XPO4: variants seen among roughly 807,000 people sequenced by gnomAD.
The protein encoded by XPO4 is exportin-4.
Under a neutral mutation model 143.0 loss-of-function variants are expected in XPO4, and 39 were observed. The ratio of observed to expected loss-of-function variants is 0.27; its 90% CI spans 0.21 to 0.36. The LOEUF (loss-of-function observed/expected upper bound fraction) is 0.36, where lower values mean the gene tolerates loss of function less well. Among genes scored for constraint, XPO4 ranks in the 10% least tolerant of loss-of-function variants. The pLI is 1.00. For synonymous variants in XPO4, 439 were observed against 474.0 expected (o/e 0.93, Z 0.96); for missense variants, 907 against 1,348.0 (o/e 0.67, Z 5.12).
intron 1 of XPO4, among the ~76,000 whole-genome samples, chr13:20,882,377 A>G (rs1006659485): frequency 1.3e-5 from 2 of 152,058 alleles, no homozygotes; most frequent in African/African-American, 4.8e-5. Flanking sequence ...GCAAAGGGAG[A>G]GCCAGCATAT....
intron 1 of XPO4, among the ~76,000 whole-genome samples, chr13:20,887,381 A>G (rs2060470884): frequency 6.6e-6 from 1 of 152,192 alleles, no homozygotes; most frequent in African/African-American, 2.4e-5. Flanking sequence ...ATATATATTA[A>G]AACATTACAA....
chr13:20,841,471 ATTAAG>A (rs1483931572), intron 6 of XPO4, among the ~76,000 whole-genome samples: 3 of 152,336 alleles, frequency 2.0e-5, no homozygotes, highest in African/African-American at 7.2e-5. Context: ...ACCAAAAAGA[ATTAAG>A]TTAATATATT....
At chr13:20,789,525 GC>G (rs1413163901) in intron 19 of XPO4, among the ~76,000 whole-genome samples, 1 of 151,308 alleles carries the variant, frequency 6.6e-6, no homozygotes, top group East Asian at 1.9e-4. Flanking sequence ...CTCCTGAGTA[GC>G]TGGGACTACA....
At chr13:20,807,786 A>C in intron 12 of XPO4, 152 bp from the exon 13 acceptor site, 1 of 620,116 alleles carries the variant, frequency 1.6e-6, no homozygotes, top group East Asian at 3.5e-5. Context: ...TGCAAAAAAA[A>C]CTTTCTATGT....
chr13:20,819,320 C>A (rs1274222206), intron 9 of XPO4, among the ~76,000 whole-genome samples: 1 of 152,140 alleles, frequency 6.6e-6, no homozygotes, highest in Non-Finnish European at 1.5e-5. Context: ...ATGTTAACTC[C>A]CAAACTCATA....
At position 20,862,864 on chromosome 13, in the gene XPO4, G is replaced by A; in HGVS notation, c.176-6C>T. On this transcript the variant is annotated splice_region_variant and splice_polypyrimidine_tract_variant and intron_variant, in intron 2 of 22. Transcript: ENST00000255305. ...ATAGTCCACTTTACTAGTTTCTGAG[G>A]AGAAAATTAAAAACTTTATTTAAAC... is the stretch of plus-strand genomic sequence containing the variant. The A allele has an allele frequency of 1.2e-6, 2 of 1,610,194 alleles. No individual in the cohort carries two copies. The highest frequency in any genetic ancestry group is 1.7e-6 in the Non-Finnish European group (2 of 1,178,934).
chr13:20,896,071 A>G (rs2138189051), intron 1 of XPO4, among the ~76,000 whole-genome samples: 1 of 152,290 alleles, frequency 6.6e-6, no homozygotes. Flanking sequence ...ACTTCCCTAT[A>G]CCTTTACAAT....
At position 20,796,264 on chromosome 13, in the gene XPO4, A is replaced by C. The variant is rs753949517; in HGVS notation, c.2617-8T>G. Reference sequence around the variant, plus strand: ...TAAGTTCATAGCTTTGGACTGAAAAAAAAAAAAATGCACAAATTATGCTAC... The same window carrying C: ...TAAGTTCATAGCTTTGGACTGAAAACAAAAAAAATGCACAAATTATGCTAC... On this transcript the variant is annotated splice_region_variant and splice_polypyrimidine_tract_variant and intron_variant, in intron 17 of 22. Transcript: ENST00000255305. 1 of 1,554,988 alleles carries C rather than the reference A, an allele frequency of 6.4e-7. No homozygotes were observed.
chr13:20,820,809 T>C (rs190602630), intron 9 of XPO4, among the ~76,000 whole-genome samples: 1 of 152,196 alleles, frequency 6.6e-6, no homozygotes, highest in Non-Finnish European at 1.5e-5. Flanking sequence ...TCTGAAGGGA[T>C]ACGAAAAAAC....
chr13:20,804,156 AAT>A (rs1391207969), intron 13 of XPO4, among the ~76,000 whole-genome samples: 4 of 149,910 alleles, frequency 2.7e-5, no homozygotes, highest in South Asian at 4.2e-4. Flanking sequence ...ATATACACAC[AAT>A]ATATATATAC....
In XPO4 at chr13:20,861,781, T is replaced by C. The variant is rs901374681; in HGVS notation, c.317+936A>G. ...TAGAACCTTGCACATTTCTCTCTTT[T>C]TTTTTTTTTTTTTTTTTTTTTTTGA... On this transcript the variant is annotated intron_variant, in intron 3 of 22. Coordinates refer to ENST00000255305, the MANE Select transcript of XPO4 (RefSeq NM_022459.5). Among the ~76,000 whole-genome samples the C allele has an allele frequency of 4.1e-3, 276 of 67,860 alleles. 7 individuals carry two copies. The highest frequency in any genetic ancestry group is 0.018 in the African/African-American group (244 of 13,256). 44.5% of individuals were successfully genotyped at this position (67,860 alleles called of 152,430 possible). A position where few individuals can be genotyped will look rare whatever the true frequency, so the allele number is the denominator to read the frequency against.
chr13:20,809,856 C>A lies in XPO4; in HGVS notation c.1285G>T (p.Ala429Ser). The A allele has an allele frequency of 6.2e-7, 1 of 1,613,852 alleles. No individual in the cohort carries two copies. Among genetic ancestry groups the A allele is most frequent in the Non-Finnish European group, 8.5e-7 (1 of 1,179,880 alleles). Residue 429 changes from alanine (A) to serine (S), a missense_variant, in exon 10 of 23, where the codon GCA becomes TCA. Coordinates refer to ENST00000255305, the MANE Select transcript of XPO4 (RefSeq NM_022459.5). ...ATATAGGAATTGAAAACTTGAACTG[C>A]ATGTTGGGTAAAAAAGCCTTTATGG... Reference protein sequence around the residue: ...HFHKGFFTQHAVQVFNSYIQC... With the variant: ...HFHKGFFTQHSVQVFNSYIQC...
intron 4 of XPO4, chr13:20,852,980 T>C: frequency 1.0e-6 from 1 of 985,390 alleles, no homozygotes; most frequent in Non-Finnish European, 1.2e-6. Flanking sequence ...GCTCATGACA[T>C]GCTGATCAGA....
chr13:20,848,538 T>C, intron 4 of XPO4: 1 of 985,372 alleles, frequency 1.0e-6, no homozygotes. Context: ...TTTTTATCAT[T>C]ATCATAGAAA....
In XPO4 at chr13:20,901,141, G is replaced by T. The variant is rs539618617; in HGVS notation, c.69+1529C>A. Among the ~76,000 whole-genome samples the T allele has an allele frequency of 8.1e-4, 123 of 152,252 alleles. 1 individual carries two copies. Among genetic ancestry groups the T allele is most frequent in the African/African-American group, 2.9e-3 (122 of 41,562 alleles). ...CTCAACCTTGTAAAGCAAAGCTGTT[G>T]CAAGAATTAATAAAATATGTAAAGT... On this transcript the variant is annotated intron_variant, in intron 1 of 22. Coordinates refer to ENST00000255305, the MANE Select transcript of XPO4 (RefSeq NM_022459.5).
At chr13:20,808,299 T>C in intron 12 of XPO4, 137 bp downstream of exon 12, 3 of 895,040 alleles carry the variant, frequency 3.4e-6, no homozygotes, top group Non-Finnish European at 4.6e-6. Context: ...GCATCCATAG[T>C]TCTATGACAG....
chr13:20,832,247 C>T (rs1299766595), intron 6 of XPO4, among the ~76,000 whole-genome samples: 4 of 152,184 alleles, frequency 2.6e-5, no homozygotes, highest in African/African-American at 9.6e-5. Flanking sequence ...AGTTCTCATA[C>T]AACAAACAGC....
chr13:20,839,445 A>C (rs1463808888), intron 6 of XPO4, among the ~76,000 whole-genome samples: 1 of 152,200 alleles, frequency 6.6e-6, no homozygotes, highest in Non-Finnish European at 1.5e-5. Context: ...AAAACTACTG[A>C]CAATTATTGC....
intron 1 of XPO4, among the ~76,000 whole-genome samples, chr13:20,895,876 A>T (rs2060564271): frequency 6.6e-6 from 1 of 152,200 alleles, no homozygotes; most frequent in Admixed American, 6.5e-5. Context: ...GAATACCAGT[A>T]TATTAAATCA....
Sources: gnomAD v4.1 joint callset for allele counts (sites outside exome capture counted in the v4.1 genomes callset) on GRCh38, gnomAD v4.1.1 for gene constraint, MANE v1.5 for transcripts, NCBI Gene and HGNC (gene_info 2026-07-23, HGNC 2026-07-21) for gene names.